The following MICAL3 variants were observed in gnomAD, a reference collection of about 807,000 sequenced individuals.
MICAL3 encodes the protein [F-actin]-monooxygenase MICAL3.
Under a neutral mutation model 207.4 loss-of-function variants are expected in MICAL3, and 62 were observed. The observed-to-expected ratio is 0.30, with a 90% confidence interval of 0.24 to 0.37. The LOEUF (loss-of-function observed/expected upper bound fraction) is 0.37, where lower values mean the gene tolerates loss of function less well. Ranked by LOEUF, MICAL3 falls within the 10% of genes least tolerant of loss-of-function variation. The pLI is 1.00. For missense variants in MICAL3, 2,368 were observed against 2,635.6 expected (o/e 0.90, Z 2.22); for synonymous variants, 1,077 against 1,069.3 (o/e 1.01, Z -0.14).
chr22:17,903,086 A>C (rs1372335619), intron 3 of MICAL3, among the ~76,000 whole-genome samples: 1 of 152,252 alleles, frequency 6.6e-6, no homozygotes, highest in Non-Finnish European at 1.5e-5. Context: ...TATTGGCAGC[A>C]TCTCCAATCC....
chr22:17,923,613 C>T lies in MICAL3; in HGVS notation c.-74-16727G>A, dbSNP rs144431869. ...AGGTCCTGAGCTGGGCTTTGCCCAC[C>T]CCTTGGTTTTCTAAAGCACTTGTCT... On this transcript the variant is annotated intron_variant, in intron 1 of 31. Coordinates refer to ENST00000441493, the MANE Select transcript of MICAL3 (RefSeq NM_015241.3). 4.6e-3 allele frequency among the ~76,000 whole-genome samples: 701 copies of T among 152,338 alleles called. 4 individuals are homozygous for T. Among genetic ancestry groups the T allele is most frequent in the Non-Finnish European group, 7.1e-3 (484 of 68,028 alleles).
chr22:17,862,747 A>T (rs1344983810), intron 19 of MICAL3: 1 of 985,342 alleles, frequency 1.0e-6, no homozygotes, highest in East Asian at 1.1e-4. Flanking sequence ...GCTCACCGGG[A>T]GGCAAGGTGC....
intron 22 of MICAL3, among the ~76,000 whole-genome samples, chr22:17,826,825 A>T (rs1023088400): frequency 2.0e-5 from 3 of 152,322 alleles, no homozygotes; most frequent in African/African-American, 7.2e-5. Flanking sequence ...CCGGAAACGG[A>T]GGTTGGTCTT....
chr22:17,850,555 G>T (rs1189384868), intron 19 of MICAL3, among the ~76,000 whole-genome samples: 1 of 151,850 alleles, frequency 6.6e-6, no homozygotes, highest in Admixed American at 6.6e-5. Flanking sequence ...GGGATTACAG[G>T]CGCCTGCCAT....
intron 1 of MICAL3, chr22:17,980,988 A>C (rs762836269): frequency 4.2e-6 from 2 of 474,424 alleles, no homozygotes; most frequent in South Asian, 3.0e-5. Flanking sequence ...CCCTCCAGAC[A>C]CTGTGGACTG....
chr22:17,919,252 T>C (rs73151060), intron 1 of MICAL3, among the ~76,000 whole-genome samples: 1,884 of 152,230 alleles, frequency 0.012, 17 homozygotes, highest in Non-Finnish European at 0.019. Flanking sequence ...CTTGTAGAGA[T>C]AGGGCCTATG....
intron 1 of MICAL3, among the ~76,000 whole-genome samples, chr22:17,994,439 G>A (rs1922052665): frequency 6.6e-6 from 1 of 152,244 alleles, no homozygotes; most frequent in African/African-American, 2.4e-5. Flanking sequence ...ACAGAAAAGA[G>A]ACAGAGGGCT....
At chr22:17,953,879 C>T (rs1305516244) in intron 1 of MICAL3, among the ~76,000 whole-genome samples, 1 of 131,676 alleles carries the variant, frequency 7.6e-6, no homozygotes, top group African/African-American at 2.9e-5. Context: ...TGCAGTGAGC[C>T]GAGATCACAC....
chr22:18,023,736 T>C (rs1035821024), intron 1 of MICAL3, among the ~76,000 whole-genome samples: 3 of 152,124 alleles, frequency 2.0e-5, no homozygotes, highest in Non-Finnish European at 2.9e-5. Flanking sequence ...GCGCCACTGG[T>C]CCTGGGCCAC....
chr22:17,821,903 C>A, intron 24 of MICAL3, 127 bp downstream of exon 24: 1 of 1,217,504 alleles, frequency 8.2e-7, no homozygotes, highest in East Asian at 2.3e-5. Flanking sequence ...AAGGAGCTGC[C>A]CACACCTCGG....
intron 19 of MICAL3, chr22:17,858,322 G>T: frequency 3.9e-6 from 1 of 257,974 alleles, no homozygotes; most frequent in Non-Finnish European, 6.1e-6. Flanking sequence ...GTGCCAATGG[G>T]CCTCACCACC....
In MICAL3 at chr22:17,862,695, C is replaced by T. The variant is rs1028170728; in HGVS notation, c.2605+2204G>A. The stretch of plus-strand genomic sequence containing the variant: ...TTCATGCCAGCCATAAAATACTGCC[C>T]ATAATCCTGTTCCTTTTCTACCAAG... On this transcript the variant is annotated intron_variant, in intron 19 of 31. Coordinates refer to ENST00000441493, the MANE Select transcript of MICAL3 (RefSeq NM_015241.3). The T allele has an allele frequency of 9.1e-6, 9 of 985,340 alleles. No homozygotes were observed. In the African/African-American group the frequency reaches 1.6e-4, roughly 17 times the overall value. 61.0% of individuals were successfully genotyped at this position (985,340 alleles called of 1,614,324 possible).
rs1477471614 is a variant in MICAL3, at chr22:17,900,910, A to G, written c.779T>C (p.Val260Ala). Residue 260 changes from valine (V) to alanine (A), a missense_variant, in exon 6 of 32, where the codon GTG (valine) becomes GCG (alanine). Coordinates refer to ENST00000441493, the MANE Select transcript of MICAL3 (RefSeq NM_015241.3). This position sits in a 1 kb window ranked among gnomAD's most constrained non-coding sequence, Gnocchi z 4.0. ...INRNTTAEAK[V>A]EEISGVAFIF... Reference sequence around the variant, plus strand: ...AAAAGCCACACCACTGATCTCTTCCACTTTAGCTTCTGCTGTTGTATTTCG... The same window carrying G: ...AAAAGCCACACCACTGATCTCTTCCGCTTTAGCTTCTGCTGTTGTATTTCG... The G allele has an allele frequency of 1.2e-6, 2 of 1,613,906 alleles. No individual in the cohort carries two copies. Among genetic ancestry groups the G allele is most frequent in the Admixed American group, 3.3e-5 (2 of 60,008 alleles).
rs566389541 is a variant in MICAL3 at position 17,949,690 on chromosome 22, C to T, written c.-74-42804G>A. On this transcript the variant is annotated intron_variant, in intron 1 of 31. Coordinates refer to ENST00000441493, the MANE Select transcript of MICAL3 (RefSeq NM_015241.3). ...TCAGTCAATCTCAAATACCGTAGTG[C>T]CTGCTCAATGCCAAGGATGCGTCAG... Among the ~76,000 whole-genome samples the T allele has an allele frequency of 7.2e-5, 11 of 152,334 alleles. No homozygotes were observed. In the South Asian group the frequency reaches 2.3e-3, roughly 32 times the overall value.
chr22:17,945,008 CTT>C (rs10533905), intron 1 of MICAL3, among the ~76,000 whole-genome samples: 43,535 of 137,980 alleles, frequency 0.32, 6,625 homozygotes, highest in East Asian at 0.53. Flanking sequence ...ACTGGGGGAC[CTT>C]TTTTTTTTTT....
intron 1 of MICAL3, among the ~76,000 whole-genome samples, chr22:17,920,182 T>G (rs1932766436): frequency 6.6e-6 from 1 of 152,202 alleles, no homozygotes; most frequent in South Asian, 2.1e-4. Context: ...ACGCCAGCCT[T>G]GGGAGTGGAA....
rs535075441 is a variant in MICAL3 at position 17,792,163 on chromosome 22, C to T, written c.5651-862G>A. On this transcript the variant is annotated intron_variant, in intron 29 of 31. Coordinates refer to ENST00000441493, the MANE Select transcript of MICAL3 (RefSeq NM_015241.3). Reference sequence around the variant, plus strand: ...GTCTCCAAGGGACCAAGCCACCCAACGAGAGAACAAGGTCCTTTTCCTTGG... The same window carrying T: ...GTCTCCAAGGGACCAAGCCACCCAATGAGAGAACAAGGTCCTTTTCCTTGG... Among the ~76,000 whole-genome samples the T allele has an allele frequency of 5.3e-5, 8 of 152,314 alleles. No homozygotes were observed. The South Asian group carries it at 6.2e-4, about 12-fold the overall frequency.
intron 7 of MICAL3, among the ~76,000 whole-genome samples, chr22:17,897,507 T>C (rs1161164971): frequency 6.6e-6 from 1 of 151,410 alleles, no homozygotes; most frequent in African/African-American, 2.4e-5. Flanking sequence ...AAACACACAG[T>C]CATGGCTTTT....
At chr22:17,950,620 A>G (rs1347672195) in intron 1 of MICAL3, among the ~76,000 whole-genome samples, 1 of 152,202 alleles carries the variant, frequency 6.6e-6, no homozygotes, top group Non-Finnish European at 1.5e-5. Context: ...TACAGGCGTG[A>G]GCCACTGCGC....
Sources: allele counts gnomAD v4.1 joint callset (sites outside exome capture counted in the v4.1 genomes callset), GRCh38; gene constraint gnomAD v4.1.1; non-coding constraint Gnocchi (gnomAD v3.1); transcripts MANE v1.5; gene names NCBI Gene and HGNC (gene_info 2026-07-23, HGNC 2026-07-21).